The following PTPRT variants were observed in gnomAD, a reference collection of about 807,000 sequenced individuals.
PTPRT encodes the protein receptor-type tyrosine-protein phosphatase T.
A neutral mutation model predicts 176.8 loss-of-function variants in PTPRT; 56 were observed. That is an observed-to-expected ratio of 0.32 (90% CI 0.26 to 0.40). The LOEUF (loss-of-function observed/expected upper bound fraction) is 0.40. Among genes scored for constraint, PTPRT ranks in the 10% least tolerant of loss-of-function variants. The probability of loss-of-function intolerance (pLI) is 1.00; values close to 1 mark genes in which losing one functional copy is unlikely to be tolerated. For missense variants in PTPRT, 1,540 were observed against 1,908.2 expected, an observed-to-expected ratio of 0.81 and a Z score of 3.60; for synonymous variants, 783 against 739.0, an observed-to-expected ratio of 1.06 and a Z score of -0.96.
chr20:42,558,403 C>T (rs544742183), intron 7 of PTPRT, among the ~76,000 whole-genome samples: 9 of 152,218 alleles, frequency 5.9e-5, no homozygotes, highest in Admixed American at 5.9e-4. Context: ...CATGTTTTTG[C>T]TATCGTGAAT....
intron 22 of PTPRT, among the ~76,000 whole-genome samples, chr20:42,111,018 C>T (rs570650350): frequency 6.6e-6 from 1 of 152,248 alleles, no homozygotes; most frequent in South Asian, 2.1e-4. Context: ...TAGATTCTTA[C>T]TTAGAATGAT....
chr20:42,755,150 C>T (rs544708905), intron 6 of PTPRT, among the ~76,000 whole-genome samples: 2 of 152,188 alleles, frequency 1.3e-5, no homozygotes, highest in East Asian at 1.9e-4. Context: ...TGGGAGAAGA[C>T]GACATACTGC....
At chr20:42,559,637 C>A (rs2072917761) in intron 7 of PTPRT, among the ~76,000 whole-genome samples, 1 of 152,144 alleles carries the variant, frequency 6.6e-6, no homozygotes, top group Admixed American at 6.5e-5. Flanking sequence ...TCCATTGATG[C>A]TCTTTGACCC....
chr20:43,125,148 G>A (rs142358202), intron 1 of PTPRT, among the ~76,000 whole-genome samples: 5,073 of 143,138 alleles, frequency 0.035, 124 homozygotes, highest in Non-Finnish European at 0.054. Context: ...GGCATGTGCC[G>A]CCACACCTAG....
chr20:42,377,486 A>C (rs907835589), intron 9 of PTPRT, among the ~76,000 whole-genome samples: 1 of 152,246 alleles, frequency 6.6e-6, no homozygotes, highest in African/African-American at 2.4e-5. Context: ...CTGATTCAGT[A>C]GATTGGGCTG....
chr20:42,172,264 G>A (rs1254379506), intron 16 of PTPRT, among the ~76,000 whole-genome samples: 1 of 151,898 alleles, frequency 6.6e-6, no homozygotes, highest in Non-Finnish European at 1.5e-5. Flanking sequence ...ATACAGCAGA[G>A]GAGCTGAAAA....
intron 7 of PTPRT, among the ~76,000 whole-genome samples, chr20:42,557,020 C>T (rs571499531): frequency 4.5e-4 from 69 of 152,168 alleles, no homozygotes; most frequent in South Asian, 8.3e-4. Context: ...AGACACTTTT[C>T]GCTACTGGGA....
chr20:42,677,349 T>C (rs1351177445), intron 7 of PTPRT, among the ~76,000 whole-genome samples: 2 of 151,032 alleles, frequency 1.3e-5, no homozygotes, highest in Non-Finnish European at 2.9e-5. Context: ...AAGGACATAG[T>C]CTAAATGAAG....
intron 4 of PTPRT, among the ~76,000 whole-genome samples, chr20:42,778,776 TACTACATAAACCCTGCATAGCTG>T (rs2077173644): frequency 6.6e-6 from 1 of 152,222 alleles, no homozygotes; most frequent in South Asian, 2.1e-4. Context: ...TATGCATATC[TACTACATAAACCCTGCATAGCTG>T]GGGGGATTTC....
chr20:42,143,743 G>C (rs955439014), intron 17 of PTPRT, among the ~76,000 whole-genome samples: 4 of 152,162 alleles, frequency 2.6e-5, no homozygotes, highest in African/African-American at 9.7e-5. Flanking sequence ...AGTTTGTTTG[G>C]GAGGCACTCC....
intron 1 of PTPRT, among the ~76,000 whole-genome samples, chr20:43,184,582 G>A (rs769450381): frequency 5.3e-5 from 8 of 151,960 alleles, no homozygotes; most frequent in Non-Finnish European, 1.0e-4. Context: ...AGCTATTCGG[G>A]AGGCTGAGGG....
intron 1 of PTPRT, chr20:42,970,871 T>A (rs1369446691): frequency 6.6e-6 from 1 of 152,204 alleles, no homozygotes; most frequent in African/African-American, 2.4e-5. Context: ...TGGATGTATT[T>A]TTCCTCTGGT....
At chr20:42,648,395 C>T (rs1475611541) in intron 7 of PTPRT, among the ~76,000 whole-genome samples, 2 of 152,118 alleles carry the variant, frequency 1.3e-5, no homozygotes, top group African/African-American at 2.4e-5. Context: ...ATCACAGGAA[C>T]ACAGTTGGCC....
At chr20:42,715,897 T>C (rs1220357219) in intron 6 of PTPRT, among the ~76,000 whole-genome samples, 1 of 152,332 alleles carries the variant, frequency 6.6e-6, no homozygotes, top group South Asian at 2.1e-4. Flanking sequence ...CCAAAAATAG[T>C]TAAAACAATC....
At chr20:42,260,287 C>T (rs892023891) in intron 13 of PTPRT, among the ~76,000 whole-genome samples, 2 of 152,348 alleles carry the variant, frequency 1.3e-5, no homozygotes, top group East Asian at 3.9e-4. Flanking sequence ...GCCAGACTGT[C>T]CTGCTGATGC....
chr20:43,111,546 G>GAA (rs11424029), intron 1 of PTPRT, among the ~76,000 whole-genome samples: 183 of 83,274 alleles, frequency 2.2e-3, no homozygotes, highest in East Asian at 3.4e-3. Flanking sequence ...TCCGTCTCAG[G>GAA]AAAAAAAAAA....
At chr20:42,899,555 G>A (rs534841665) in intron 1 of PTPRT, among the ~76,000 whole-genome samples, 2 of 152,274 alleles carry the variant, frequency 1.3e-5, no homozygotes, top group Admixed American at 1.3e-4. Context: ...TATGCTTGAC[G>A]AGGCTGTTTC....
intron 1 of PTPRT, among the ~76,000 whole-genome samples, chr20:43,162,444 A>G (rs1005732475): frequency 6.6e-6 from 1 of 152,250 alleles, no homozygotes; most frequent in Non-Finnish European, 1.5e-5. Flanking sequence ...TGGAACCAGC[A>G]TCTGACTTCA....
At chr20:42,910,258 T>A (rs2079527904) in intron 1 of PTPRT, among the ~76,000 whole-genome samples, 1 of 152,164 alleles carries the variant, frequency 6.6e-6, no homozygotes, top group Non-Finnish European at 1.5e-5. Flanking sequence ...TTACATAAAT[T>A]TCTCACCGCA....
Sources: gnomAD v4.1 joint callset for allele counts (sites outside exome capture counted in the v4.1 genomes callset) on GRCh38, gnomAD v4.1.1 for gene constraint, MANE v1.5 for transcripts, NCBI Gene and HGNC (gene_info 2026-07-23, HGNC 2026-07-21) for gene names.